The following SHANK2 variants were observed in gnomAD, a reference collection of about 807,000 sequenced individuals.
SHANK2 encodes the protein SH3 and multiple ankyrin repeat domains 2, also known as SH3 and multiple ankyrin repeat domains protein 2.
A neutral mutation model predicts 133.7 loss-of-function variants in SHANK2; 43 were observed. That is an observed-to-expected ratio of 0.32 (90% confidence interval 0.25 to 0.41). The LOEUF (loss-of-function observed/expected upper bound fraction) is 0.41, where lower values mean the gene tolerates loss of function less well. Among genes scored for constraint, SHANK2 ranks in the 10% least tolerant of loss-of-function variants. SHANK2 has a pLI of 1.00. For missense variants in SHANK2, 1,994 were observed against 2,235.8 expected (o/e 0.89, Z 2.18); for synonymous variants, 1,017 against 952.8 (o/e 1.07, Z -1.24).
chr11:71,246,384 G>T (rs144633358), intron 1 of SHANK2, among the ~76,000 whole-genome samples: 2 of 152,052 alleles, frequency 1.3e-5, no homozygotes, highest in South Asian at 4.1e-4. Context: ...TGAGGAAGAC[G>T]TGGGGCAGGA....
At chr11:71,064,855 C>T (rs1335320158) in intron 9 of SHANK2, among the ~76,000 whole-genome samples, 1 of 151,970 alleles carries the variant, frequency 6.6e-6, no homozygotes, top group African/African-American at 2.4e-5. Context: ...AAGAGGTCGG[C>T]ACGTGGGGCC....
intron 11 of SHANK2, among the ~76,000 whole-genome samples, chr11:70,853,100 T>C (rs574946768): frequency 3.9e-5 from 6 of 152,288 alleles, no homozygotes; most frequent in African/African-American, 1.4e-4. Flanking sequence ...GTGCCTGGCA[T>C]TGGGTTTACG....
chr11:70,808,248 C>T (rs1179493128), intron 12 of SHANK2, among the ~76,000 whole-genome samples: 18 of 152,094 alleles, frequency 1.2e-4, no homozygotes, highest in African/African-American at 2.9e-4. Context: ...GTCACCCACG[C>T]GGGACTGCAG....
chr11:70,707,810 C>T (rs1382855206), intron 14 of SHANK2, among the ~76,000 whole-genome samples: 2 of 152,222 alleles, frequency 1.3e-5, no homozygotes, highest in Non-Finnish European at 2.9e-5. Flanking sequence ...ACAAGTCTCT[C>T]TGAAAACATC....
intron 14 of SHANK2, among the ~76,000 whole-genome samples, chr11:70,743,580 A>G (rs560384445): frequency 7.6e-4 from 115 of 152,268 alleles, no homozygotes; most frequent in Admixed American, 5.1e-3. Context: ...ATTCATCAAC[A>G]TTTACTGCAC....
chr11:71,164,622 C>T (rs1461536002), intron 2 of SHANK2, among the ~76,000 whole-genome samples: 2 of 152,238 alleles, frequency 1.3e-5, no homozygotes, highest in African/African-American at 4.8e-5. Flanking sequence ...CAAAATCACA[C>T]AGCTCTGAGA....
In SHANK2 at chr11:70,489,339, A is replaced by G; in HGVS notation, c.2561T>C (p.Ile854Thr). 6.2e-7 allele frequency: 1 copy of G among 1,613,950 alleles called. No homozygotes were observed. The highest frequency in any genetic ancestry group is 8.5e-7 in the Non-Finnish European group (1 of 1,179,816). Residue 854 changes from isoleucine (I) to threonine (T), a missense_variant, in exon 24 of 26, where the codon ATC becomes ACC. Coordinates refer to ENST00000601538, the MANE Select transcript of SHANK2 (RefSeq NM_012309.5). ...TAAGGTTCACTAACCTGATAGAAAG[A>G]TTCTGCTGTCTGACAGGAGGAAATC... Reference protein sequence around the residue: ...MRRQKSIDSRIFLSGITEEER... With the variant: ...MRRQKSIDSRTFLSGITEEER...
chr11:70,797,639 G>A (rs781864564), intron 14 of SHANK2, among the ~76,000 whole-genome samples: 12 of 152,204 alleles, frequency 7.9e-5, no homozygotes, highest in Admixed American at 1.3e-4. Flanking sequence ...ACAGGGCAAT[G>A]GGCCCGTTTG....
At chr11:70,694,916 C>T (rs528044804) in intron 15 of SHANK2, among the ~76,000 whole-genome samples, 13 of 152,300 alleles carry the variant, frequency 8.5e-5, no homozygotes, top group African/African-American at 2.9e-4. Context: ...CTGCCTGTCC[C>T]CCTGTCCACC....
At chr11:71,073,136 CTTTTTCTTTTCTTTT>C (rs1479385774) in intron 9 of SHANK2, among the ~76,000 whole-genome samples, 2 of 72,328 alleles carry the variant, frequency 2.8e-5, no homozygotes, top group African/African-American at 7.9e-5. Context: ...TGTTTTTTTT[CTTTTTCTTTTCTTTT>C]TTTTCTTTTT....
intron 17 of SHANK2, among the ~76,000 whole-genome samples, chr11:70,587,833 G>C (rs1342459054): frequency 6.6e-6 from 1 of 151,726 alleles, no homozygotes; most frequent in Non-Finnish European, 1.5e-5. Context: ...GCCTCCCCAA[G>C]TGCTGGGATT....
chr11:70,878,961 C>G (rs1248659087), intron 11 of SHANK2, among the ~76,000 whole-genome samples: 1 of 152,210 alleles, frequency 6.6e-6, no homozygotes, highest in Non-Finnish European at 1.5e-5. Context: ...ATCTCTCCCC[C>G]AGGGGACATC....
chr11:70,607,694 C>T (rs782441725), intron 17 of SHANK2, among the ~76,000 whole-genome samples: 19 of 152,234 alleles, frequency 1.2e-4, no homozygotes, highest in Admixed American at 1.3e-4. Flanking sequence ...TCCCAACTCC[C>T]CACACCACAG....
At chr11:71,104,260 G>T (rs1951769130) in intron 6 of SHANK2, among the ~76,000 whole-genome samples, 1 of 152,162 alleles carries the variant, frequency 6.6e-6, no homozygotes, top group African/African-American at 2.4e-5. Flanking sequence ...CACACAGCCA[G>T]CTGCAGAGAA....
At chr11:71,162,714 A>G (rs1489773938) in intron 2 of SHANK2, among the ~76,000 whole-genome samples, 1 of 152,220 alleles carries the variant, frequency 6.6e-6, no homozygotes, top group Non-Finnish European at 1.5e-5. Context: ...CCCAACTTCA[A>G]AACAGTGATT....
chr11:71,167,871 CGGGCAGAGGCGCCCCTCACCTCCCGGACA>C (rs1444426888), intron 2 of SHANK2, among the ~76,000 whole-genome samples: 12 of 144,266 alleles, frequency 8.3e-5, no homozygotes, highest in African/African-American at 3.1e-4. Flanking sequence ...TAGGGGCGGC[CGGGCAGAGGCGCCCCTCACCTCCCGGACA>C]GGGCGGCTGT....
chr11:71,086,969 A>C (rs944116306), intron 8 of SHANK2, among the ~76,000 whole-genome samples: 3 of 152,164 alleles, frequency 2.0e-5, no homozygotes, highest in Non-Finnish European at 4.4e-5. Flanking sequence ...CAGGCAGCAG[A>C]CCACCAGAGG....
intron 1 of SHANK2, among the ~76,000 whole-genome samples, chr11:71,244,761 G>A (rs539083119): frequency 4.6e-5 from 7 of 152,208 alleles, no homozygotes; most frequent in East Asian, 3.9e-4. Context: ...AGAGTGCAGT[G>A]GGGCAATCTT....
At chr11:71,154,748 G>A (rs1333233602) in intron 2 of SHANK2, among the ~76,000 whole-genome samples, 1 of 100,974 alleles carries the variant, frequency 9.9e-6, no homozygotes, top group Non-Finnish European at 2.1e-5. Flanking sequence ...AGGAGGGATG[G>A]ACCTACCCCC....
Sources: gnomAD v4.1 joint callset for allele counts (sites outside exome capture counted in the v4.1 genomes callset) on GRCh38, gnomAD v4.1.1 for gene constraint, MANE v1.5 for transcripts, NCBI Gene and HGNC (gene_info 2026-07-23, HGNC 2026-07-21) for gene names.